PPP1R12B: variants seen among roughly 807,000 people sequenced by gnomAD.
PPP1R12B encodes protein phosphatase 1 regulatory subunit 12B, also known as myosin phosphatase target subunit 2.
A neutral mutation model predicts 126.1 loss-of-function variants in PPP1R12B; 76 were observed. The ratio of observed to expected loss-of-function variants is 0.60; its 90% CI spans 0.50 to 0.73. The LOEUF is 0.73. PPP1R12B is among the 30% of genes least tolerant of loss of function. The probability of loss-of-function intolerance (pLI) is 0.00; values close to 1 mark genes in which losing one functional copy is unlikely to be tolerated. For synonymous variants in PPP1R12B, 356 were observed against 434.7 expected (o/e 0.82, Z 2.25); for missense variants, 1,052 against 1,205.1 (o/e 0.87, Z 1.88).
rs142328879 is a variant in PPP1R12B, at chr1:202,419,168, A to AT, written c.422+2259dup. On this transcript the variant is annotated intron_variant, in intron 2 of 23. Coordinates refer to ENST00000608999, the MANE Select transcript of PPP1R12B (RefSeq NM_002481.4). The surrounding 1 kb of genome is among the most constrained non-coding windows in gnomAD (Gnocchi z 4.6). ...ATGCTAGTTAGCTGGGTGTTTTTACATTTTTTTTATGAATAAATGTTTCAC... is the reference window on the plus strand; with the variant it reads ...ATGCTAGTTAGCTGGGTGTTTTTACATTTTTTTTTATGAATAAATGTTTCAC... 2.0e-5 allele frequency among the ~76,000 whole-genome samples: 3 copies of AT among 152,064 alleles called. No homozygotes were observed. The highest frequency in any genetic ancestry group is 2.1e-4 in the South Asian group (1 of 4,810).
chr1:202,370,555 T>C (rs1200042838), intron 1 of PPP1R12B, among the ~76,000 whole-genome samples: 23 of 148,326 alleles, frequency 1.6e-4, no homozygotes, highest in Middle Eastern at 3.4e-3. Context: ...TTTTTTTTTT[T>C]GAGATGGAGT....
intron 19 of PPP1R12B, among the ~76,000 whole-genome samples, chr1:202,561,369 T>C (rs1481152466): frequency 6.6e-6 from 1 of 150,720 alleles, no homozygotes; most frequent in Non-Finnish European, 1.5e-5. Context: ...AGGCATGTAA[T>C]GGAGAAGACT....
At chr1:202,404,265 A>G (rs1370011229) in intron 1 of PPP1R12B, among the ~76,000 whole-genome samples, 2 of 152,032 alleles carry the variant, frequency 1.3e-5, no homozygotes, top group Non-Finnish European at 2.9e-5. Context: ...GTAAAGTTCC[A>G]ATTTCTCAGT....
intron 18 of PPP1R12B, among the ~76,000 whole-genome samples, chr1:202,543,020 A>G (rs1685282675): frequency 6.6e-6 from 1 of 152,128 alleles, no homozygotes; most frequent in South Asian, 2.1e-4. Flanking sequence ...GAGTGTTGTT[A>G]ACAGGGCTAA....
At position 202,484,507 on chromosome 1, in the gene PPP1R12B, GA is replaced by G. The variant is rs1415473528; in HGVS notation, c.1851-4025del. Among the ~76,000 whole-genome samples the G allele has an allele frequency of 2.0e-5, 3 of 152,222 alleles. No individual in the cohort carries two copies. In the East Asian group the frequency reaches 5.8e-4, roughly 29 times the overall value. The stretch of plus-strand genomic sequence containing the variant: ...CTTTAAACCTTCGTACTAGAGGACT[GA>G]GAGACTTACATAGCACCATTAAATC... On this transcript the variant is annotated intron_variant, in intron 13 of 23. Transcript: ENST00000608999.
chr1:202,470,743 A>G (rs868002006), intron 13 of PPP1R12B, among the ~76,000 whole-genome samples: 4 of 152,110 alleles, frequency 2.6e-5, no homozygotes, highest in Middle Eastern at 3.4e-3. Flanking sequence ...AGAATTATAA[A>G]GAAAAAAAAA....
At position 202,449,165 on chromosome 1, in the gene PPP1R12B, A is replaced by T. The variant is rs376646699; in HGVS notation, c.1844A>T (p.Lys615Met). The T allele has an allele frequency of 1.6e-5, 25 of 1,599,570 alleles. No homozygotes were observed. Among genetic ancestry groups the T allele is most frequent in the Non-Finnish European group, 2.1e-5 (25 of 1,171,958 alleles). ...GATTCCTCTGTGGAAGCCAGGGAGA[A>T]GAGGAGGTATGTTGAGTTACTGATT... ...GTDSSVEAREKRRSYLTPVRD... is the reference protein window; with the variant it reads ...GTDSSVEAREMRRSYLTPVRD... Residue 615 changes from lysine to methionine, a missense_variant, in exon 13 of 24, where the codon AAG becomes ATG. Physicochemically the swap from Lys to Met is moderately conservative, Grantham distance 95. Coordinates refer to ENST00000608999, the MANE Select transcript of PPP1R12B (RefSeq NM_002481.4).
In PPP1R12B at chr1:202,462,806, C is replaced by T. The variant is rs1449816555; in HGVS notation, c.1850+13635C>T. 7.1e-6 allele frequency: 7 copies of T among 985,236 alleles called. No individual in the cohort carries two copies. In the African/African-American group the frequency reaches 1.0e-4, roughly 15 times the overall value. The allele number at this position is 985,236 out of a possible 1,614,324, so 61.0% of individuals were successfully genotyped here. ...AGAGAAGGACAGTCAGAGGAGTGGC[C>T]ACCTGTTTGTTGAAAATTGGGCTTC... On this transcript the variant is annotated intron_variant, in intron 13 of 23. Transcript: ENST00000608999.
At chr1:202,416,748 G>A in intron 1 of PPP1R12B, 39 bp from the exon 2 acceptor site, 1 of 1,597,146 alleles carries the variant, frequency 6.3e-7, no homozygotes, top group Non-Finnish European at 8.6e-7. Context: ...GGAACTCAAT[G>A]AATACTTGTT....
At chr1:202,438,849 G>A in intron 10 of PPP1R12B, 1 of 1,103,922 alleles carries the variant, frequency 9.1e-7, no homozygotes, top group Non-Finnish European at 1.4e-6. Flanking sequence ...CATGGTCACT[G>A]CTGACTCCAT....
chr1:202,407,333 G>A lies in PPP1R12B; in HGVS notation c.292-9454G>A, dbSNP rs1323666092. On this transcript the variant is annotated intron_variant, in intron 1 of 23. Coordinates refer to ENST00000608999, the MANE Select transcript of PPP1R12B (RefSeq NM_002481.4). ...TACTTGCTCTTAATTGAAGGGAGAT[G>A]TTCTCTGGTCCCAGCCTGTAAACAT... Among the ~76,000 whole-genome samples, 5 of 152,310 alleles carry A rather than the reference G, an allele frequency of 3.3e-5. 1 individual carries two copies. The South Asian group carries it at 1.0e-3, about 32-fold the overall frequency.
chr1:202,420,756 A>G (rs1240428664), intron 2 of PPP1R12B, among the ~76,000 whole-genome samples: 1 of 152,138 alleles, frequency 6.6e-6, no homozygotes, highest in East Asian at 1.9e-4. Flanking sequence ...TCGTTTTGGA[A>G]TTGAATAAGG....
chr1:202,491,946 A>G (rs1459560755), intron 14 of PPP1R12B, among the ~76,000 whole-genome samples: 1 of 151,902 alleles, frequency 6.6e-6, no homozygotes, highest in African/African-American at 2.4e-5. Flanking sequence ...AAAATCACCT[A>G]TCCTCATTCT....
chr1:202,540,036 A>G, intron 18 of PPP1R12B: 5 of 1,402,490 alleles, frequency 3.6e-6, no homozygotes, highest in Non-Finnish European at 4.7e-6. Flanking sequence ...GTCATCTTGC[A>G]TCAACTCAAA....
intron 18 of PPP1R12B, among the ~76,000 whole-genome samples, chr1:202,554,248 A>G (rs1465604899): frequency 6.6e-6 from 1 of 152,170 alleles, no homozygotes; most frequent in Non-Finnish European, 1.5e-5. Context: ...GAATTGGGGG[A>G]ATTAAACATT....
At chr1:202,471,467 A>G (rs138342510) in intron 13 of PPP1R12B, among the ~76,000 whole-genome samples, 1 of 151,312 alleles carries the variant, frequency 6.6e-6, no homozygotes, top group African/African-American at 2.4e-5. Context: ...TTCCGGGTCT[A>G]TAGGGTAAGT....
intron 18 of PPP1R12B, among the ~76,000 whole-genome samples, chr1:202,521,204 C>T (rs1378337332): frequency 6.6e-6 from 1 of 152,198 alleles, no homozygotes; most frequent in African/African-American, 2.4e-5. Flanking sequence ...GAGCTACCAA[C>T]TTAAGGTCTG....
chr1:202,361,472 GAGA>G (rs755064601), intron 1 of PPP1R12B, among the ~76,000 whole-genome samples: 3 of 152,188 alleles, frequency 2.0e-5, no homozygotes, highest in East Asian at 1.9e-4. Flanking sequence ...CTCCTGTGAA[GAGA>G]AGAACTCACT....
At chr1:202,573,989 A>G (rs1688859638) in intron 23 of PPP1R12B, among the ~76,000 whole-genome samples, 1 of 152,190 alleles carries the variant, frequency 6.6e-6, no homozygotes, top group Non-Finnish European at 1.5e-5. Flanking sequence ...ATCTTATAGC[A>G]GGTCAGAGAC....
Sources: gnomAD v4.1 joint callset for allele counts (sites outside exome capture counted in the v4.1 genomes callset) on GRCh38, gnomAD v4.1.1 for gene constraint, Gnocchi (gnomAD v3.1) non-coding constraint, MANE v1.5 for transcripts, NCBI Gene and HGNC (gene_info 2026-07-23, HGNC 2026-07-21) for gene names.